TAOK3: variants seen among roughly 807,000 people sequenced by gnomAD.
TAOK3 encodes serine/threonine-protein kinase TAO3.
In TAOK3, 40 loss-of-function variants were observed where a neutral mutation model predicts 120.4. The ratio of observed to expected loss-of-function variants is 0.33; its 90% confidence interval spans 0.26 to 0.43. The LOEUF (loss-of-function observed/expected upper bound fraction) is 0.43, where lower values mean the gene tolerates loss of function less well. Among genes scored for constraint, TAOK3 ranks in the 20% least tolerant of loss-of-function variants. The pLI is 1.00. For missense variants in TAOK3, 821 were observed against 1,112.1 expected, an observed-to-expected ratio of 0.74 and a Z score of 3.72; for synonymous variants, 355 against 387.5, an observed-to-expected ratio of 0.92 and a Z score of 0.99.
intron 17 of TAOK3, among the ~76,000 whole-genome samples, chr12:118,168,186 T>C (rs1476097170): frequency 6.6e-6 from 1 of 152,104 alleles, no homozygotes; most frequent in African/African-American, 2.4e-5. Flanking sequence ...AAGGTGAAGA[T>C]GGGCTGATGC....
At chr12:118,165,207 C>T (rs996583675) in intron 17 of TAOK3, among the ~76,000 whole-genome samples, 2 of 152,086 alleles carry the variant, frequency 1.3e-5, no homozygotes, top group African/African-American at 4.8e-5. Context: ...GTAACTGGCC[C>T]GTAGGTGGCA....
chr12:118,318,787 T>C (rs762190311), intron 1 of TAOK3, among the ~76,000 whole-genome samples: 3 of 152,202 alleles, frequency 2.0e-5, no homozygotes, highest in Non-Finnish European at 4.4e-5. Flanking sequence ...TTCATGTTCA[T>C]TGCAACATTA....
chr12:118,360,652 C>T (rs953683903), intron 1 of TAOK3, among the ~76,000 whole-genome samples: 2 of 151,486 alleles, frequency 1.3e-5, no homozygotes, highest in Admixed American at 1.3e-4. Flanking sequence ...CTATTCTAGG[C>T]ACTAGGAATA....
At chr12:118,335,348 A>G (rs1336419827) in intron 1 of TAOK3, among the ~76,000 whole-genome samples, 1 of 152,186 alleles carries the variant, frequency 6.6e-6, no homozygotes, top group Non-Finnish European at 1.5e-5. Flanking sequence ...ACTATGAACA[A>G]CTTTATGCTC....
chr12:118,173,577 G>A (rs2138690862), intron 16 of TAOK3, among the ~76,000 whole-genome samples: 1 of 152,308 alleles, frequency 6.6e-6, no homozygotes, highest in African/African-American at 2.4e-5. Context: ...AAGAGAAGAG[G>A]TGACTATGCA....
intron 17 of TAOK3, among the ~76,000 whole-genome samples, chr12:118,169,325 C>CG (rs1335221040): frequency 8.2e-6 from 1 of 121,354 alleles, no homozygotes; most frequent in African/African-American, 3.2e-5. Flanking sequence ...CACCCCCCCC[C>CG]CTTTTTTTTT....
chr12:118,152,651 A>G lies in TAOK3; in HGVS notation c.2353-242T>C, dbSNP rs182911446. On this transcript the variant is annotated intron_variant, in intron 19 of 20. Transcript: ENST00000392533. ...ATCTGAAACCACAGCAGCAGGCGTCAGGAAGGCTACACCTGTGGGCTTTGG... is the reference window on the plus strand; with the variant it reads ...ATCTGAAACCACAGCAGCAGGCGTCGGGAAGGCTACACCTGTGGGCTTTGG... 7 of 454,902 alleles carry G rather than the reference A, an allele frequency of 1.5e-5. 1 individual carries two copies. Among genetic ancestry groups the G allele is most frequent in the Admixed American group, 7.0e-5 (2 of 28,590 alleles). 28.2% of individuals were successfully genotyped at this position (454,902 alleles called of 1,614,324 possible). A position where few individuals can be genotyped will look rare whatever the true frequency, so the allele number is the denominator to read the frequency against.
chr12:118,289,855 C>CGTG lies in TAOK3; in HGVS notation c.-193-23099_-193-23097dup, dbSNP rs2042407519. Among the ~76,000 whole-genome samples the CGTG allele has an allele frequency of 3.3e-5, 5 of 151,952 alleles. No homozygotes were observed. In the South Asian group the frequency reaches 8.3e-4, roughly 25 times the overall value. ...TACTAAAAGTACAAAATTAGCTGGGCGTGGTGGTGGGCGCCTGTAATCCCA... is the reference window on the plus strand; with the variant it reads ...TACTAAAAGTACAAAATTAGCTGGGCGTGGTGGTGGTGGGCGCCTGTAATCCCA... On this transcript the variant is annotated intron_variant, in intron 1 of 20. Coordinates refer to ENST00000392533, the MANE Select transcript of TAOK3 (RefSeq NM_016281.4).
intron 9 of TAOK3, among the ~76,000 whole-genome samples, chr12:118,227,965 GT>G (rs1383706853): frequency 6.6e-6 from 1 of 151,992 alleles, no homozygotes; most frequent in Non-Finnish European, 1.5e-5. Context: ...GTAAAATTTT[GT>G]AGAATATTAT....
intron 1 of TAOK3, among the ~76,000 whole-genome samples, chr12:118,304,898 A>G (rs796934338): frequency 6.6e-5 from 10 of 152,314 alleles, no homozygotes; most frequent in African/African-American, 2.4e-4. Flanking sequence ...GGAGTGAAAA[A>G]GATTTATGTT....
intron 1 of TAOK3, among the ~76,000 whole-genome samples, chr12:118,356,884 T>C (rs138848059): frequency 6.6e-6 from 1 of 152,314 alleles, no homozygotes; most frequent in East Asian, 1.9e-4. Context: ...ACTGTGCCAC[T>C]GCACACCAAC....
intron 1 of TAOK3, among the ~76,000 whole-genome samples, chr12:118,286,464 A>G (rs756286452): frequency 5.3e-5 from 8 of 152,212 alleles, no homozygotes; most frequent in Non-Finnish European, 7.3e-5. Flanking sequence ...CAACAAACAT[A>G]TGAAAAAATG....
At chr12:118,193,848 A>G (rs976782199) in intron 13 of TAOK3, among the ~76,000 whole-genome samples, 1 of 152,134 alleles carries the variant, frequency 6.6e-6, no homozygotes, top group Non-Finnish European at 1.5e-5. Context: ...TACTCATCAC[A>G]CTTACTTGTC....
intron 1 of TAOK3, among the ~76,000 whole-genome samples, chr12:118,363,716 C>G (rs538648553): frequency 1.3e-5 from 2 of 150,820 alleles, no homozygotes; most frequent in South Asian, 4.2e-4. Flanking sequence ...GAAGACCAGT[C>G]TGGTCAAGGC....
intron 5 of TAOK3, among the ~76,000 whole-genome samples, chr12:118,242,913 C>G (rs192030052): frequency 4.7e-5 from 7 of 150,422 alleles, no homozygotes; most frequent in Non-Finnish European, 8.9e-5. Flanking sequence ...GTGTGTGTGT[C>G]TGTGTGTGTG....
chr12:118,163,328 A>G (rs759093747), intron 17 of TAOK3, among the ~76,000 whole-genome samples: 5 of 152,124 alleles, frequency 3.3e-5, no homozygotes, highest in Non-Finnish European at 4.4e-5. Context: ...ATTCGATTTT[A>G]TAAGACATTC....
At chr12:118,312,740 A>AT (rs979589977) in intron 1 of TAOK3, among the ~76,000 whole-genome samples, 1 of 152,136 alleles carries the variant, frequency 6.6e-6, no homozygotes, top group Non-Finnish European at 1.5e-5. Flanking sequence ...TTCTAGTACA[A>AT]TTTTTTGTTT....
At chr12:118,199,948 C>CAAA (rs1212053867) in intron 12 of TAOK3, 1 of 152,222 alleles carries the variant, frequency 6.6e-6, no homozygotes, top group African/African-American at 2.4e-5. Flanking sequence ...TTATCCATCA[C>CAAA]AGTGGGATAT....
At chr12:118,294,059 TG>T (rs1324498856) in intron 1 of TAOK3, among the ~76,000 whole-genome samples, 1 of 152,058 alleles carries the variant, frequency 6.6e-6, no homozygotes, top group African/African-American at 2.4e-5. Context: ...GGTGGTGTCA[TG>T]AACCAAGTAG....
Sources: allele counts gnomAD v4.1 joint callset (sites outside exome capture counted in the v4.1 genomes callset), GRCh38; gene constraint gnomAD v4.1.1; transcripts MANE v1.5; gene names NCBI Gene and HGNC (gene_info 2026-07-23, HGNC 2026-07-21).